TRPM8: variants seen among roughly 807,000 people sequenced by gnomAD.
TRPM8 encodes transient receptor potential cation channel subfamily M member 8, also known as TRPM8 cationic channel.
TRPM8 carries 110 observed loss-of-function variants against 133.7 expected under a neutral mutation model. The observed-to-expected ratio is 0.82, with a 90% CI of 0.70 to 0.96. The LOEUF is 0.96. TRPM8 is among the 40% of genes least tolerant of loss of function. TRPM8 has a pLI of 0.00. For missense variants in TRPM8, 1,291 were observed against 1,379.5 expected, an observed-to-expected ratio of 0.94 and a Z score of 1.02; for synonymous variants, 535 against 532.3, an observed-to-expected ratio of 1.01 and a Z score of -0.07.
chr2:233,923,114 C>G (rs2125028927), intron 1 of TRPM8, among the ~76,000 whole-genome samples: 1 of 152,254 alleles, frequency 6.6e-6, no homozygotes, highest in South Asian at 2.1e-4. Flanking sequence ...CGTGATCCGC[C>G]TGCCTCAGCC....
intron 22 of TRPM8, among the ~76,000 whole-genome samples, chr2:233,997,164 C>T (rs1292516977): frequency 6.6e-6 from 1 of 152,052 alleles, no homozygotes; most frequent in Non-Finnish European, 1.5e-5. Flanking sequence ...GTCCCAGCTA[C>T]TCGGGAGGCT....
At position 234,008,372 on chromosome 2, in the gene TRPM8, G is replaced by A. The variant is rs560658787; in HGVS notation, c.3264+269G>A. Among the ~76,000 whole-genome samples, 3 of 152,302 alleles carry A rather than the reference G, an allele frequency of 2.0e-5. No homozygotes were observed. The South Asian group carries it at 6.2e-4, about 32-fold the overall frequency. On this transcript the variant is annotated intron_variant, in intron 24 of 25. Coordinates refer to ENST00000324695, the MANE Select transcript of TRPM8 (RefSeq NM_024080.5). Reference sequence around the variant, plus strand: ...CCCTCTTCTCTTTCTTTCAGCTGTGGAGGCAGGTGAAGATGCTTACAATTA... The same window carrying A: ...CCCTCTTCTCTTTCTTTCAGCTGTGAAGGCAGGTGAAGATGCTTACAATTA...
intron 11 of TRPM8, among the ~76,000 whole-genome samples, chr2:233,956,650 T>C (rs1253516762): frequency 6.6e-6 from 1 of 152,226 alleles, no homozygotes; most frequent in African/African-American, 2.4e-5. Context: ...TTCAGGCCTA[T>C]TGTTGTATAA....
intron 22 of TRPM8, among the ~76,000 whole-genome samples, chr2:234,006,446 T>G (rs1477583595): frequency 6.6e-6 from 1 of 152,170 alleles, no homozygotes; most frequent in Non-Finnish European, 1.5e-5. Flanking sequence ...AGTTTTAGGT[T>G]GAGAGTAAGT....
intron 22 of TRPM8, among the ~76,000 whole-genome samples, chr2:234,005,340 C>T (rs1385793806): frequency 1.3e-5 from 2 of 152,186 alleles, no homozygotes; most frequent in Non-Finnish European, 2.9e-5. Flanking sequence ...TCATTTCAAT[C>T]AGCATTTCTT....
intron 15 of TRPM8, among the ~76,000 whole-genome samples, chr2:233,966,993 C>T (rs941225065): frequency 1.3e-5 from 2 of 152,162 alleles, no homozygotes; most frequent in African/African-American, 4.8e-5. Context: ...GCAAACAACA[C>T]AGCATCATAA....
chr2:233,935,806 G>C (rs1353443932), intron 3 of TRPM8, among the ~76,000 whole-genome samples: 1 of 152,142 alleles, frequency 6.6e-6, no homozygotes, highest in Non-Finnish European at 1.5e-5. Context: ...TGGGAGGAGG[G>C]TGAACAGTGC....
chr2:233,926,623 C>T lies in TRPM8; in HGVS notation c.86C>T (p.Ser29Phe), dbSNP rs556740236. The change falls in exon 2 of 26, where the codon TCT becomes TTT. Residue 29 changes from serine (S) to phenylalanine (F), a missense_variant. Coordinates refer to ENST00000324695, the MANE Select transcript of TRPM8 (RefSeq NM_024080.5). The part of the protein sequence containing the change: ...DSTRTLYSSA[S>F]RSTDLSYSES... ...ACCCGGACCCTGTACTCCAGCGCGT[C>T]TCGGAGCACAGACTTGTCTTACAGT... is the stretch of plus-strand genomic sequence containing the variant. 2 of 1,614,090 alleles carry T rather than the reference C, an allele frequency of 1.2e-6. No individual in the cohort carries two copies. The highest frequency in any genetic ancestry group is 1.7e-5 in the Admixed American group (1 of 60,026).
At chr2:233,927,307 A>C (rs1691538278) in intron 2 of TRPM8, among the ~76,000 whole-genome samples, 1 of 152,194 alleles carries the variant, frequency 6.6e-6, no homozygotes, top group South Asian at 2.1e-4. Context: ...GGTGGGTTCC[A>C]TGGGGGCTGA....
chr2:233,970,571 G>C (rs1368263657), intron 17 of TRPM8, 145 bp downstream of exon 17: 17 of 731,774 alleles, frequency 2.3e-5, no homozygotes, highest in Non-Finnish European at 3.9e-5. Context: ...TAGTCCATGA[G>C]TGTGAAGGTG....
chr2:234,010,038 G>A (rs936369068), intron 24 of TRPM8, among the ~76,000 whole-genome samples: 1 of 152,096 alleles, frequency 6.6e-6, no homozygotes, highest in African/African-American at 2.4e-5. Flanking sequence ...TGGGTACAAT[G>A]TTGTTAACTA....
Position 233,955,148 on chromosome 2 carries a change from G to A in TRPM8, c.1260G>A (p.Glu420=). 1 of 1,614,028 alleles carries A rather than the reference G, an allele frequency of 6.2e-7. No individual in the cohort carries two copies. Among genetic ancestry groups the A allele is most frequent in the Non-Finnish European group, 8.5e-7 (1 of 1,179,904 alleles). Residue 420 remains glutamate, a synonymous_variant, in exon 11 of 26, where the codon GAG becomes GAA. Transcript: ENST00000324695. ...YALYKAFSTS[E]QDKDNWNGQL... is the part of the protein sequence containing the mutation. ...CTCTCACAGCCTTCAGCACCAGTGA[G>A]CAAGACAAGGATAACTGGAATGGGC...
chr2:233,996,299 T>A, intron 21 of TRPM8, 27 bp from the exon 22 acceptor site: 1 of 1,611,102 alleles, frequency 6.2e-7, no homozygotes, highest in Non-Finnish European at 8.5e-7. Context: ...CAATGCTAAG[T>A]CTTGGCCTTC....
intron 2 of TRPM8, 127 bp from the exon 3 acceptor site, chr2:233,930,541 A>C (rs1227872504): frequency 1.6e-6 from 1 of 622,094 alleles, no homozygotes; most frequent in Non-Finnish European, 2.7e-6. Context: ...CAAATGCTGG[A>C]TGCTATGAAT....
At position 233,927,800 on chromosome 2, in the gene TRPM8, C is replaced by T. The variant is rs200018178; in HGVS notation, c.117+1146C>T. 7.2e-3 allele frequency among the ~76,000 whole-genome samples: 237 copies of T among 33,134 alleles called. 6 individuals carry two copies. The highest frequency in any genetic ancestry group is 0.021 in the African/African-American group (58 of 2,828). The allele number at this position is 33,134 out of a possible 152,430, so 21.7% of individuals were successfully genotyped here. A position where few individuals can be genotyped will look rare whatever the true frequency, so the allele number is the denominator to read the frequency against. The stretch of plus-strand genomic sequence containing the variant: ...TTTCTTTCTTTCTTTCTTTTCTTTC[C>T]TTCCTTCCTTCCTTCCTTCCTTCCT... On this transcript the variant is annotated intron_variant, in intron 2 of 25. Transcript: ENST00000324695.
intron 3 of TRPM8, among the ~76,000 whole-genome samples, chr2:233,932,515 T>C (rs1025771210): frequency 6.6e-6 from 1 of 152,084 alleles, no homozygotes; most frequent in Non-Finnish European, 1.5e-5. Context: ...CCAGGTGAAC[T>C]CAATGCAGAA....
At chr2:233,957,950 T>G (rs1030298227) in intron 11 of TRPM8, among the ~76,000 whole-genome samples, 1 of 152,242 alleles carries the variant, frequency 6.6e-6, no homozygotes, top group South Asian at 2.1e-4. Flanking sequence ...GTTATGATGA[T>G]TAAATCAGAT....
At position 233,971,717 on chromosome 2, in the gene TRPM8, C is replaced by T. The variant is rs145592021; in HGVS notation, c.2355+1291C>T. ...TGGTGGGTTCGTGGTCTCGCTGGCT[C>T]AGGAGTGAAGCTGCAGACCTTTGCG... On this transcript the variant is annotated intron_variant, in intron 17 of 25. Transcript: ENST00000324695. 0.018 allele frequency among the ~76,000 whole-genome samples: 2,741 copies of T among 152,122 alleles called. 185 individuals are homozygous for T. The East Asian group carries it at 0.23, about 13-fold the overall frequency.
chr2:234,000,793 C>CT (rs1406791204), intron 22 of TRPM8, among the ~76,000 whole-genome samples: 1 of 152,108 alleles, frequency 6.6e-6, no homozygotes, highest in East Asian at 1.9e-4. Flanking sequence ...ATTCCCCTGC[C>CT]TCAGGATCCC....
Sources: allele counts gnomAD v4.1 joint callset (sites outside exome capture counted in the v4.1 genomes callset), GRCh38; gene constraint gnomAD v4.1.1; transcripts MANE v1.5; gene names NCBI Gene and HGNC (gene_info 2026-07-23, HGNC 2026-07-21).